DACH1: variants seen among roughly 807,000 people sequenced by gnomAD.
DACH1 encodes the protein dachshund family transcription factor 1, also known as dachshund homolog 1.
In DACH1, 12 loss-of-function variants were observed where a neutral mutation model predicts 54.2. That is an observed-to-expected ratio of 0.22 (90% CI 0.14 to 0.36). The LOEUF (loss-of-function observed/expected upper bound fraction) is 0.36. DACH1 is among the 10% of genes least tolerant of loss of function. The probability of loss-of-function intolerance (pLI) is 1.00; values close to 1 mark genes in which losing one functional copy is unlikely to be tolerated. For synonymous variants in DACH1, 386 were observed against 366.2 expected (o/e 1.05, Z -0.62); for missense variants, 805 against 929.8 (o/e 0.87, Z 1.75).
At chr13:71,472,264 T>G (rs554911463) in intron 10 of DACH1, among the ~76,000 whole-genome samples, 1 of 152,182 alleles carries the variant, frequency 6.6e-6, no homozygotes, top group Non-Finnish European at 1.5e-5. Flanking sequence ...ATTAAGAAAA[T>G]GCAAGTAAAT....
chr13:71,840,776 A>C (rs567971644), intron 1 of DACH1, among the ~76,000 whole-genome samples: 1 of 152,362 alleles, frequency 6.6e-6, no homozygotes, highest in Admixed American at 6.5e-5. Flanking sequence ...CCACATCAAT[A>C]TCTGAGCAGA....
intron 1 of DACH1, among the ~76,000 whole-genome samples, chr13:71,795,428 G>A (rs754918178): frequency 2.0e-5 from 3 of 151,984 alleles, no homozygotes; most frequent in Non-Finnish European, 4.4e-5. Flanking sequence ...ATCATGACCT[G>A]GTCCAACTCC....
At position 71,861,930 on chromosome 13, in the gene DACH1, A is replaced by T. The variant is rs1410898656; in HGVS notation, c.848+3992T>A. On this transcript the variant is annotated intron_variant, in intron 1 of 10. Transcript: ENST00000613252. ...ACCAAAAAAAAAAAAAAAAAAAAAT[A>T]GAGTCAAGAGTTGGAAAATGTTTTG... 8.2e-5 allele frequency among the ~76,000 whole-genome samples: 12 copies of T among 146,684 alleles called. No individual in the cohort carries two copies. The East Asian group carries it at 2.0e-3, about 24-fold the overall frequency.
chr13:71,700,373 C>T (rs147411810), intron 1 of DACH1, among the ~76,000 whole-genome samples: 2,288 of 151,836 alleles, frequency 0.015, 49 homozygotes, highest in East Asian at 0.046. Flanking sequence ...CTGACTAACA[C>T]GGTGAAACCC....
Position 71,840,461 on chromosome 13 carries a change from G to T in DACH1, c.848+25461C>A, listed in dbSNP as rs367580461. Reference sequence around the variant, plus strand: ...CAGAGGGCCCTTCTTGAGCTGGCCGGTTCCTATATTTCAAGAGCAATCTCA... The same window carrying T: ...CAGAGGGCCCTTCTTGAGCTGGCCGTTTCCTATATTTCAAGAGCAATCTCA... On this transcript the variant is annotated intron_variant, in intron 1 of 10. Transcript: ENST00000613252. Among the ~76,000 whole-genome samples, 5 of 152,162 alleles carry T rather than the reference G, an allele frequency of 3.3e-5. No individual in the cohort carries two copies. In the East Asian group the frequency reaches 7.7e-4, roughly 24 times the overall value.
intron 1 of DACH1, among the ~76,000 whole-genome samples, chr13:71,696,322 AACTCTATGATATAAC>A (rs1182620687): frequency 6.6e-6 from 1 of 152,188 alleles, no homozygotes; most frequent in African/African-American, 2.4e-5. Flanking sequence ...TCTCCACAAT[AACTCTATGATATAAC>A]TATCATCATT....
chr13:71,662,066 G>A (rs921562071), intron 2 of DACH1, among the ~76,000 whole-genome samples: 3 of 151,888 alleles, frequency 2.0e-5, no homozygotes, highest in Non-Finnish European at 4.4e-5. Context: ...CTCTCAAGAC[G>A]TAACAACCAC....
At chr13:71,600,510 T>A (rs781041426) in intron 3 of DACH1, among the ~76,000 whole-genome samples, 1 of 152,036 alleles carries the variant, frequency 6.6e-6, no homozygotes, top group Non-Finnish European at 1.5e-5. Context: ...ATATATATCA[T>A]GTGCATATAT....
At chr13:71,823,838 G>A (rs892181331) in intron 1 of DACH1, among the ~76,000 whole-genome samples, 4 of 151,838 alleles carry the variant, frequency 2.6e-5, no homozygotes, top group African/African-American at 4.8e-5. Context: ...TTGTCTTGAC[G>A]TTTTACTATC....
At chr13:71,783,117 C>T (rs924152020) in intron 1 of DACH1, among the ~76,000 whole-genome samples, 1 of 152,112 alleles carries the variant, frequency 6.6e-6, no homozygotes, top group African/African-American at 2.4e-5. Context: ...GACGTACACA[C>T]GTTCCTGCAC....
At chr13:71,746,075 G>T (rs1324433684) in intron 1 of DACH1, among the ~76,000 whole-genome samples, 1 of 152,046 alleles carries the variant, frequency 6.6e-6, no homozygotes, top group Non-Finnish European at 1.5e-5. Flanking sequence ...AAAATTAGCT[G>T]GGCGTGGTGG....
chr13:71,568,871 T>A (rs545722110), intron 4 of DACH1, among the ~76,000 whole-genome samples: 16 of 152,126 alleles, frequency 1.1e-4, no homozygotes, highest in African/African-American at 3.9e-4. Context: ...ATTTAATATA[T>A]CCCCACAGAT....
chr13:71,734,980 GAT>G (rs373427572), intron 1 of DACH1, among the ~76,000 whole-genome samples: 49 of 144,444 alleles, frequency 3.4e-4, no homozygotes, highest in African/African-American at 8.9e-4. Flanking sequence ...ACACACACAG[GAT>G]ATATATATAT....
At chr13:71,706,242 A>T (rs1387413569) in intron 1 of DACH1, among the ~76,000 whole-genome samples, 2 of 151,572 alleles carry the variant, frequency 1.3e-5, no homozygotes, top group African/African-American at 4.8e-5. Flanking sequence ...AGGGATAAAA[A>T]CATATTATTA....
At chr13:71,643,627 C>A (rs1878061903) in intron 2 of DACH1, among the ~76,000 whole-genome samples, 1 of 152,134 alleles carries the variant, frequency 6.6e-6, no homozygotes. Flanking sequence ...GAAGTATTAT[C>A]TTACGCTATG....
At chr13:71,864,180 T>TAA in intron 1 of DACH1, among the ~76,000 whole-genome samples, 1 of 108,508 alleles carries the variant, frequency 9.2e-6, no homozygotes, top group East Asian at 3.6e-4. Flanking sequence ...CGCGCGCACA[T>TAA]ACACACACAC....
At position 71,489,257 on chromosome 13, in the gene DACH1, T is replaced by C; in HGVS notation, c.1571-109A>G. The stretch of plus-strand genomic sequence containing the variant: ...TCCAGAACATTTATTGCAAATTGGT[T>C]CCTGCTATCAGGAGAAAATGCTTTC... On this transcript the variant is annotated intron_variant, in intron 6 of 10. Transcript: ENST00000613252. 11 of 1,257,180 alleles carry C rather than the reference T, an allele frequency of 8.7e-6. No individual in the cohort carries two copies. The South Asian group carries it at 1.7e-4, about 20-fold the overall frequency. 77.9% of individuals were successfully genotyped at this position (1,257,180 alleles called of 1,614,324 possible).
At chr13:71,456,984 G>A (rs1385562457) in intron 10 of DACH1, among the ~76,000 whole-genome samples, 5 of 151,920 alleles carry the variant, frequency 3.3e-5, no homozygotes, top group Admixed American at 2.6e-4. Flanking sequence ...TTAAAATATC[G>A]TGTGAGAATA....
intron 1 of DACH1, among the ~76,000 whole-genome samples, chr13:71,811,526 A>C (rs547802108): frequency 1.8e-4 from 27 of 152,272 alleles, no homozygotes; most frequent in African/African-American, 6.5e-4. Context: ...GTTTGCTACT[A>C]TTCTATCATT....
Sources: gnomAD v4.1 joint callset for allele counts (sites outside exome capture counted in the v4.1 genomes callset) on GRCh38, gnomAD v4.1.1 for gene constraint, MANE v1.5 for transcripts, NCBI Gene and HGNC (gene_info 2026-07-23, HGNC 2026-07-21) for gene names.